The following FRMPD4 variants were observed in gnomAD, a reference collection of about 807,000 sequenced individuals.
FRMPD4 encodes the protein FERM and PDZ domain containing 4.
Under a neutral mutation model 94.1 loss-of-function variants are expected in FRMPD4, and 22 were observed. The ratio of observed to expected loss-of-function variants is 0.23; its 90% CI spans 0.17 to 0.33. The LOEUF (loss-of-function observed/expected upper bound fraction) is 0.33. Among genes scored for constraint, FRMPD4 ranks in the 10% least tolerant of loss-of-function variants. The pLI is 1.00. For missense variants in FRMPD4, 1,111 were observed against 1,339.9 expected (o/e 0.83, Z 2.67); for synonymous variants, 631 against 548.6 (o/e 1.15, Z -2.10).
intron 2 of FRMPD4, among the ~76,000 whole-genome samples, chrX:12,519,207 G>A (rs763746229): frequency 1.9e-4 from 21 of 112,263 alleles, no homozygotes; most frequent in Non-Finnish European, 3.2e-4. Flanking sequence ...CCTAATTTTT[G>A]TATGACAGCT....
intron 1 of FRMPD4, among the ~76,000 whole-genome samples, chrX:12,160,453 G>A (rs1309514421): frequency 9.0e-6 from 1 of 111,378 alleles, no homozygotes; most frequent in Non-Finnish European, 1.9e-5. Flanking sequence ...CTACTTCTAG[G>A]TAATTAAGAA....
At chrX:11,915,611 T>C (rs2054020547) in intron 3 of FRMPD4, among the ~76,000 whole-genome samples, 1 of 112,480 alleles carries the variant, frequency 8.9e-6, no homozygotes, top group Non-Finnish European at 1.9e-5. Context: ...TCCAATTCCT[T>C]AGTTCTACTG....
chrX:11,926,646 A>C (rs1031124453), intron 3 of FRMPD4, among the ~76,000 whole-genome samples: 3 of 112,108 alleles, frequency 2.7e-5, no homozygotes, highest in Non-Finnish European at 5.6e-5. Context: ...AACAGGACTA[A>C]AGACAAAAAC....
At chrX:12,583,713 G>C (rs996320137) in intron 2 of FRMPD4, among the ~76,000 whole-genome samples, 1 of 112,675 alleles carries the variant, frequency 8.9e-6, no homozygotes, top group Admixed American at 9.3e-5. Context: ...CGCTTCCCGC[G>C]ACCTCAAGAG....
intron 1 of FRMPD4, among the ~76,000 whole-genome samples, chrX:12,206,343 T>C (rs1245451720): frequency 8.9e-6 from 1 of 111,825 alleles, no homozygotes; most frequent in Non-Finnish European, 1.9e-5. Context: ...TTATTCTTTT[T>C]TGGGGAGGAG....
chrX:11,953,876 G>A (rs2054240220), intron 3 of FRMPD4, among the ~76,000 whole-genome samples: 1 of 111,811 alleles, frequency 8.9e-6, no homozygotes, highest in Non-Finnish European at 1.9e-5. Context: ...AATTTGTAGT[G>A]TCTGTGTCTG....
upstream of FRMPD4, among the ~76,000 whole-genome samples, chrX:12,135,775 A>G (rs1432384669): frequency 9.0e-6 from 1 of 111,366 alleles, no homozygotes; most frequent in East Asian, 2.8e-4. Flanking sequence ...TGGTATCTGG[A>G]ATAATTATTG....
rs377037708 is a variant in FRMPD4 at position 12,707,634 on chromosome X, C to T, written c.1453C>T (p.His485Tyr). ...EEESLVRVEL[H>Y]VLDVKPITLL... is the part of the protein sequence containing the mutation. ...GGAGAGCTTGGTGCGGGTAGAACTC[C>T]ACGTGCTAGATGTGAAGGCAAGTTT... Residue 485 changes from histidine to tyrosine, a missense_variant, in exon 13 of 17, where the codon CAC (histidine) becomes TAC (tyrosine). Coordinates refer to ENST00000675598, the MANE Select transcript of FRMPD4 (RefSeq NM_001368397.1). The T allele has an allele frequency of 1.7e-6, 2 of 1,202,313 alleles. No homozygotes were observed. The highest frequency in any genetic ancestry group is 3.0e-5 in the East Asian group (1 of 33,666).
chrX:12,535,454 C>T (rs2058329214), intron 2 of FRMPD4, among the ~76,000 whole-genome samples: 1 of 112,038 alleles, frequency 8.9e-6, no homozygotes, highest in South Asian at 3.8e-4. Flanking sequence ...TGAATCTCAA[C>T]TACTTGACCC....
At chrX:12,581,699 C>G (rs150479803) in intron 2 of FRMPD4, among the ~76,000 whole-genome samples, 3 of 111,708 alleles carry the variant, frequency 2.7e-5, no homozygotes, top group Non-Finnish European at 3.8e-5. Flanking sequence ...TCCCTCGGCT[C>G]GTCCTCCTCC....
chrX:12,511,276 A>G (rs2058039710), intron 2 of FRMPD4, among the ~76,000 whole-genome samples: 1 of 111,579 alleles, frequency 9.0e-6, no homozygotes, highest in Non-Finnish European at 1.9e-5. Flanking sequence ...TGCCAAAATA[A>G]AACTCCAGAA....
chrX:12,702,841 TTC>T (rs765644712), intron 10 of FRMPD4, among the ~76,000 whole-genome samples: 1 of 112,069 alleles, frequency 8.9e-6, no homozygotes, highest in Non-Finnish European at 1.9e-5. Context: ...TCCAGATGCT[TTC>T]TCTCTCTCCC....
At chrX:12,410,062 A>G (rs2056712982) in intron 1 of FRMPD4, among the ~76,000 whole-genome samples, 1 of 111,360 alleles carries the variant, frequency 9.0e-6, no homozygotes, top group Admixed American at 9.5e-5. Context: ...TGAACTTCCA[A>G]TTTAAACTGC....
At chrX:12,451,003 A>G (rs897624641) in intron 1 of FRMPD4, among the ~76,000 whole-genome samples, 2 of 109,698 alleles carry the variant, frequency 1.8e-5, no homozygotes, top group African/African-American at 6.6e-5. Flanking sequence ...AAGGCCCTTC[A>G]GGACCTGGCC....
At chrX:12,244,259 G>A (rs1002676580) in intron 1 of FRMPD4, among the ~76,000 whole-genome samples, 4 of 111,174 alleles carry the variant, frequency 3.6e-5, no homozygotes, top group African/African-American at 9.8e-5. Flanking sequence ...CTTTGGCTCA[G>A]CTAAATTTCT....
chrX:12,523,303 G>A (rs1034963087), intron 2 of FRMPD4, among the ~76,000 whole-genome samples: 6 of 111,856 alleles, frequency 5.4e-5, no homozygotes, highest in Admixed American at 1.9e-4. Context: ...CTAAGTGAGA[G>A]CCTCATGGGC....
chrX:12,012,649 G>A (rs1447046048), intron 3 of FRMPD4, among the ~76,000 whole-genome samples: 1 of 112,205 alleles, frequency 8.9e-6, no homozygotes, highest in Non-Finnish European at 1.9e-5. Flanking sequence ...CAAATCCATG[G>A]CATCTATGTT....
chrX:12,706,925 T>A lies in FRMPD4; in HGVS notation c.1287+10T>A. ...CAAGGCAACATTAGTGGTAATTTCT[T>A]TTTTTTTTTTTTTTTTGCTTTCTCT... On this transcript the variant is annotated intron_variant, in intron 12 of 16. Transcript: ENST00000675598. The A allele has an allele frequency of 2.8e-5, 11 of 396,065 alleles. No individual in the cohort carries two copies. Among genetic ancestry groups the A allele is most frequent in the Non-Finnish European group, 3.6e-5 (10 of 275,003 alleles). 32.6% of individuals were successfully genotyped at this position (396,065 alleles called of 1,213,427 possible).
chrX:12,706,900 C>G lies in FRMPD4; in HGVS notation c.1272C>G (p.Phe424Leu). 1 of 897,016 alleles carries G rather than the reference C, an allele frequency of 1.1e-6. No individual in the cohort carries two copies. The highest frequency in any genetic ancestry group is 2.8e-4 in the Middle Eastern group (1 of 3,540). 73.9% of individuals were successfully genotyped at this position (897,016 alleles called of 1,213,427 possible). A position where few individuals can be genotyped will look rare whatever the true frequency, so the allele number is the denominator to read the frequency against. Residue 424 changes from phenylalanine (F) to leucine (L), a missense_variant, in exon 12 of 17, where the codon TTC (phenylalanine) becomes TTG (leucine). Physicochemically the swap from Phe to Leu is conservative, Grantham distance 22. Around this residue, in one of 8 missense-constraint regions of FRMPD4, gnomAD observed 111 missense variants for 160.7 expected, o/e 0.69. Transcript: ENST00000675598. Reference protein sequence around the residue: ...SDLRLYGGRVFKATLVQAEKR... With the variant: ...SDLRLYGGRVLKATLVQAEKR... ...TACGATTGTATGGGGGCCGTGTGTT[C>G]AAGGCAACATTAGTGGTAATTTCTT...
Sources: gnomAD v4.1 joint callset for allele counts (sites outside exome capture counted in the v4.1 genomes callset) on GRCh38, gnomAD v4.1.1 for gene constraint, gnomAD v4.1.1 regional missense constraint, MANE v1.5 for transcripts, NCBI Gene and HGNC (gene_info 2026-07-23, HGNC 2026-07-21) for gene names.